The following KLHL25 variants were observed in gnomAD, a reference collection of about 807,000 sequenced individuals.
KLHL25 encodes the protein kelch-like protein 25.
Under a neutral mutation model 30.0 loss-of-function variants are expected in KLHL25, and 41 were observed. The observed-to-expected ratio is 1.37, with a 90% CI of 1.07 to 1.78. The LOEUF is 1.78. KLHL25 is among the 40% of genes most tolerant of loss of function. The pLI is 0.00. For synonymous variants in KLHL25, 399 were observed against 355.3 expected (o/e 1.12, Z -1.38); for missense variants, 971 against 824.5 (o/e 1.18, Z -2.18).
At chr15:85,766,854 G>A (rs191123016) in intron 2 of KLHL25, among the ~76,000 whole-genome samples, 17 of 152,358 alleles carry the variant, frequency 1.1e-4, no homozygotes, top group African/African-American at 3.4e-4. Flanking sequence ...GCATGCTGGT[G>A]AGCACACAGC....
rs1187875563 is a variant in KLHL25 at position 85,783,656 on chromosome 15, C to T, written c.-11+11110G>A. 1.1e-4 allele frequency among the ~76,000 whole-genome samples: 17 copies of T among 149,660 alleles called. No homozygotes were observed. In the Admixed American group the frequency reaches 1.1e-3, roughly 10 times the overall value. ...GCAGTGAGCTGAGATCGCACCACTGCACTCCAGCCTGGGTGACAGAGCAAG... is the reference window on the plus strand; with the variant it reads ...GCAGTGAGCTGAGATCGCACCACTGTACTCCAGCCTGGGTGACAGAGCAAG... On this transcript the variant is annotated intron_variant, in intron 1 of 2. Coordinates refer to ENST00000337975, the MANE Select transcript of KLHL25 (RefSeq NM_022480.4).
At chr15:85,790,260 G>A (rs746964521) in intron 1 of KLHL25, among the ~76,000 whole-genome samples, 11 of 152,168 alleles carry the variant, frequency 7.2e-5, no homozygotes, top group East Asian at 1.9e-4. Flanking sequence ...AGCTAATTTC[G>A]TATTTTTAGT....
chr15:85,762,065 A>T (rs1399638555), intron 2 of KLHL25: 2 of 152,298 alleles, frequency 1.3e-5, no homozygotes, highest in African/African-American at 2.4e-5. Flanking sequence ...CTTTGCAGGA[A>T]TTCTGCCCTC....
At position 85,768,393 on chromosome 15, in the gene KLHL25, G is replaced by A. The variant is rs752254625; in HGVS notation, c.1418C>T (p.Thr473Met). The A allele has an allele frequency of 5.8e-5, 94 of 1,613,484 alleles. 1 individual carries two copies. In the South Asian group the frequency reaches 9.7e-4, roughly 17 times the overall value. Residue 473 changes from threonine (T) to methionine (M), a missense_variant, in exon 2 of 3, where the codon ACG (threonine) becomes ATG (methionine). Coordinates refer to ENST00000337975, the MANE Select transcript of KLHL25 (RefSeq NM_022480.4). ...AGGCTGGGGGCACTCGGCCTTGATC[G>A]TCCACCTGTTCTCCGAGGGGTCATA... is the stretch of plus-strand genomic sequence containing the variant. ...QCYDPSENRW[T>M]IKAECPQPWR... is the part of the protein sequence containing the mutation.
intron 2 of KLHL25, among the ~76,000 whole-genome samples, chr15:85,767,729 G>A (rs1410127432): frequency 6.6e-6 from 1 of 152,220 alleles, no homozygotes; most frequent in African/African-American, 2.4e-5. Context: ...ACACAGCACT[G>A]TCAAAAGGTC....
intron 1 of KLHL25, among the ~76,000 whole-genome samples, chr15:85,775,860 C>T (rs1487161197): frequency 1.4e-4 from 13 of 96,024 alleles, no homozygotes; most frequent in African/African-American, 4.3e-4. Flanking sequence ...TTCAATGGCT[C>T]GTTTAAAAAA....
At chr15:85,792,041 A>G (rs2089821006) in intron 1 of KLHL25, among the ~76,000 whole-genome samples, 1 of 152,186 alleles carries the variant, frequency 6.6e-6, no homozygotes, top group African/African-American at 2.4e-5. Context: ...TGGAGGCAGT[A>G]TGGGATGATT....
Position 85,760,380 on chromosome 15 carries a change from G to C in KLHL25, c.*656C>G, listed in dbSNP as rs992602807. ...CCCACCGGGCCACAGCACTGAGCAA[G>C]GCCCTGAGTAGGTGGGCTGGGACTT... On this transcript the variant is annotated 3_prime_UTR_variant, in exon 3 of 3. Coordinates refer to ENST00000337975, the MANE Select transcript of KLHL25 (RefSeq NM_022480.4). 6.6e-5 allele frequency: 10 copies of C among 152,212 alleles called. No individual in the cohort carries two copies. The highest frequency in any genetic ancestry group is 2.4e-4 in the African/African-American group (10 of 41,442). 9.4% of individuals were successfully genotyped at this position (152,212 alleles called of 1,614,324 possible).
chr15:85,776,831 A>C (rs1466780693), intron 1 of KLHL25, among the ~76,000 whole-genome samples: 1 of 152,174 alleles, frequency 6.6e-6, no homozygotes, highest in East Asian at 1.9e-4. Flanking sequence ...AGGCTGAGGC[A>C]GGAGAATGGC....
At chr15:85,766,339 G>A (rs1447923360) in intron 2 of KLHL25, among the ~76,000 whole-genome samples, 1 of 152,194 alleles carries the variant, frequency 6.6e-6, no homozygotes, top group African/African-American at 2.4e-5. Context: ...AGGGGCCCAG[G>A]ACAGCATGAG....
chr15:85,785,347 C>T (rs2089774423), intron 1 of KLHL25, among the ~76,000 whole-genome samples: 1 of 152,206 alleles, frequency 6.6e-6, no homozygotes, highest in Admixed American at 6.5e-5. Context: ...CCTGCCTCAG[C>T]CTCCCAAAGT....
At chr15:85,786,592 T>G (rs1237458524) in intron 1 of KLHL25, among the ~76,000 whole-genome samples, 1 of 152,168 alleles carries the variant, frequency 6.6e-6, no homozygotes, top group Non-Finnish European at 1.5e-5. Context: ...TGCAGACAGG[T>G]GACAGATCAT....
Position 85,769,477 on chromosome 15 carries a change from T to C in KLHL25, c.334A>G (p.Ile112Val), listed in dbSNP as rs1300449721. The C allele has an allele frequency of 1.9e-6, 3 of 1,613,932 alleles. No homozygotes were observed. The highest frequency in any genetic ancestry group is 2.2e-5 in the East Asian group (1 of 44,902). Residue 112 changes from isoleucine to valine, a missense_variant, in exon 2 of 3, where the codon ATC becomes GTC. Physicochemically the swap from Ile to Val is conservative, Grantham distance 29. Transcript: ENST00000337975. Reference sequence around the variant, plus strand: ...AGTGACTCAGCGTTCTCCTCGTTGATGGCGATGCGTGAGGAGTAGGCAAAG... The same window carrying C: ...AGTGACTCAGCGTTCTCCTCGTTGACGGCGATGCGTGAGGAGTAGGCAAAG... ...LDFAYSSRIA[I>V]NEENAESLLE...
At position 85,769,775 on chromosome 15, in the gene KLHL25, C is replaced by T. The variant is rs1380979401; in HGVS notation, c.36G>A (p.Arg12=). Residue 12 remains arginine, a synonymous_variant, in exon 2 of 3, where the codon CGG becomes CGA. Transcript: ENST00000337975. ...SVSVHETRKS[R]SSTGSMNVTL... ...TGACGTTCATGGACCCCGTGCTGCT[C>T]CGCGACTTGCGGGTCTCATGGACAC... The T allele has an allele frequency of 1.9e-6, 3 of 1,612,032 alleles. No individual in the cohort carries two copies. Among genetic ancestry groups the T allele is most frequent in the Non-Finnish European group, 2.5e-6 (3 of 1,179,690 alleles).
intron 1 of KLHL25, among the ~76,000 whole-genome samples, chr15:85,773,406 CAT>C (rs1302950462): frequency 4.6e-5 from 7 of 152,250 alleles, no homozygotes; most frequent in African/African-American, 9.6e-5. Context: ...CGACACCTGA[CAT>C]GTGGTAAACG....
chr15:85,776,875 A>C (rs1393255048), intron 1 of KLHL25, among the ~76,000 whole-genome samples: 2 of 152,086 alleles, frequency 1.3e-5, no homozygotes, highest in Admixed American at 1.3e-4. Flanking sequence ...CAGTGAGCCG[A>C]GATGCCACCA....
intron 1 of KLHL25, among the ~76,000 whole-genome samples, chr15:85,773,001 T>C (rs2089687240): frequency 6.6e-6 from 1 of 152,240 alleles, no homozygotes. Context: ...CCTGAGCCAA[T>C]CTTCCACTGA....
In KLHL25 at chr15:85,768,722, G is replaced by A. The variant is rs372190858; in HGVS notation, c.1089C>T (p.Thr363=). Residue 363 remains threonine, a synonymous_variant, in exon 2 of 3, where the codon ACC becomes ACT. Coordinates refer to ENST00000337975, the MANE Select transcript of KLHL25 (RefSeq NM_022480.4). ...GVSKDVWVYD[T]VHEEWSKAAP... ...CCGCCTTGGACCATTCCTCATGTAC[G>A]GTGTCGTACACCCAGACATCCTTGG... is the stretch of plus-strand genomic sequence containing the variant. The A allele has an allele frequency of 8.7e-6, 14 of 1,613,394 alleles. No individual in the cohort carries two copies. The highest frequency in any genetic ancestry group is 3.3e-4 in the Middle Eastern group (2 of 6,060).
intron 1 of KLHL25, among the ~76,000 whole-genome samples, chr15:85,786,565 G>A (rs1200102032): frequency 6.6e-6 from 1 of 152,188 alleles, no homozygotes; most frequent in Non-Finnish European, 1.5e-5. Context: ...TGTCCTCCTG[G>A]CTCATTTCTT....
Sources: gnomAD v4.1 joint callset for allele counts (sites outside exome capture counted in the v4.1 genomes callset) on GRCh38, gnomAD v4.1.1 for gene constraint, MANE v1.5 for transcripts, NCBI Gene and HGNC (gene_info 2026-07-23, HGNC 2026-07-21) for gene names.